Variants in COL27A1 observed in about 807,000 individuals in gnomAD.
The protein encoded by COL27A1 is collagen type XXVII alpha 1 chain.
In COL27A1, 106 loss-of-function variants were observed where a neutral mutation model predicts 251.3. That is an observed-to-expected ratio of 0.42 (90% CI 0.36 to 0.50). COL27A1 has a LOEUF of 0.50. Ranked by LOEUF, COL27A1 falls within the 20% of genes least tolerant of loss-of-function variation. COL27A1 has a pLI of 0.00. For synonymous variants in COL27A1, 1,000 were observed against 986.3 expected, an observed-to-expected ratio of 1.01 and a Z score of -0.26; for missense variants, 2,325 against 2,522.8, an observed-to-expected ratio of 0.92 and a Z score of 1.68.
chr9:114,291,250 C>G (rs1453903069), intron 48 of COL27A1, among the ~76,000 whole-genome samples: 1 of 152,164 alleles, frequency 6.6e-6, no homozygotes, highest in Non-Finnish European at 1.5e-5. Flanking sequence ...AGAAAGCTTC[C>G]CAGTGCCGCG....
intron 49 of COL27A1, among the ~76,000 whole-genome samples, chr9:114,299,223 A>G (rs778880552): frequency 1.2e-4 from 19 of 152,128 alleles, no homozygotes; most frequent in Non-Finnish European, 2.4e-4. Flanking sequence ...GTATTATCCT[A>G]TTTTACAGAT....
chr9:114,265,591 C>A (rs2135597632), intron 32 of COL27A1, 116 bp downstream of exon 32: 1 of 1,006,972 alleles, frequency 9.9e-7, no homozygotes, highest in Non-Finnish European at 1.5e-6. Context: ...CTCTAACCCG[C>A]TGTGGGCCAG....
intron 12 of COL27A1, among the ~76,000 whole-genome samples, chr9:114,213,281 C>T (rs1830484842): frequency 6.6e-6 from 1 of 152,130 alleles, no homozygotes; most frequent in South Asian, 2.1e-4. Flanking sequence ...CTCAGTTTCC[C>T]CCTTCTACTC....
chr9:114,201,461 G>T (rs970648491), intron 7 of COL27A1, among the ~76,000 whole-genome samples: 1 of 152,168 alleles, frequency 6.6e-6, no homozygotes, highest in Non-Finnish European at 1.5e-5. Context: ...CCTACCTCCC[G>T]CCTTGGCTAT....
intron 40 of COL27A1, among the ~76,000 whole-genome samples, chr9:114,284,381 T>C (rs1176048281): frequency 1.1e-4 from 16 of 152,224 alleles, no homozygotes; most frequent in Admixed American, 6.5e-4. Context: ...CCTGCAGGCC[T>C]AGCCAAAGCC....
intron 50 of COL27A1, 97 bp from the exon 51 acceptor site, chr9:114,300,528 A>C (rs1828543807): frequency 2.1e-6 from 2 of 957,186 alleles, no homozygotes. Context: ...CTTGACAAGA[A>C]GGGCAAAGGT....
intron 59 of COL27A1, 96 bp from the exon 60 acceptor site, chr9:114,309,164 G>C: frequency 1.0e-6 from 1 of 966,420 alleles, no homozygotes; most frequent in South Asian, 1.3e-5. Context: ...CCAGGAAGGG[G>C]CCTATCCCTG....
intron 12 of COL27A1, among the ~76,000 whole-genome samples, chr9:114,215,948 G>A (rs2135363200): frequency 6.6e-6 from 1 of 152,322 alleles, no homozygotes; most frequent in Middle Eastern, 3.4e-3. Context: ...TTGGATTCTA[G>A]ATGTTTCTTG....
intron 49 of COL27A1, among the ~76,000 whole-genome samples, chr9:114,294,591 C>T (rs1358581000): frequency 1.3e-5 from 2 of 152,024 alleles, no homozygotes; most frequent in South Asian, 2.1e-4. Context: ...AAAAGAAAAC[C>T]CATTTGATCA....
chr9:114,156,142 G>A, intron 1 of COL27A1, 130 bp downstream of exon 1: 20 of 1,248,042 alleles, frequency 1.6e-5, no homozygotes, highest in Non-Finnish European at 1.9e-5. Flanking sequence ...GCGCCCCCGC[G>A]AGGCGGGACG....
At chr9:114,282,170 A>G (rs1588864999) in intron 37 of COL27A1, 107 bp from the exon 38 acceptor site, 7 of 988,762 alleles carry the variant, frequency 7.1e-6, no homozygotes, top group African/African-American at 1.6e-5. Context: ...TCAGTTTCGA[A>G]CCTGGCCATC....
rs754801415 is a variant in COL27A1, at chr9:114,269,222, T to C, written c.3502-19T>C. On this transcript the variant is annotated intron_variant, in intron 34 of 60. Coordinates refer to ENST00000356083, the MANE Select transcript of COL27A1 (RefSeq NM_032888.4). ...CTGGCCCTACCCACCCGCAAGGACT[T>C]TTGTTCGGCTTCTCCTAGGGTGACC... 3 of 1,574,480 alleles carry C rather than the reference T, an allele frequency of 1.9e-6. No individual in the cohort carries two copies. Among genetic ancestry groups the C allele is most frequent in the Non-Finnish European group, 8.6e-7 (1 of 1,156,962 alleles).
At chr9:114,215,277 A>T (rs1423753689) in intron 12 of COL27A1, among the ~76,000 whole-genome samples, 1 of 152,222 alleles carries the variant, frequency 6.6e-6, no homozygotes, top group Non-Finnish European at 1.5e-5. Context: ...CAGTTCTCAG[A>T]TTACAGGCAG....
At chr9:114,187,068 T>G (rs755833616) in intron 5 of COL27A1, among the ~76,000 whole-genome samples, 9 of 152,202 alleles carry the variant, frequency 5.9e-5, no homozygotes, top group Middle Eastern at 3.2e-3. Flanking sequence ...GATATGGCCC[T>G]CAGACACTGG....
In COL27A1 at chr9:114,271,082, G is replaced by A. The variant is rs529334243; in HGVS notation, c.3609+301G>A. The A allele has an allele frequency of 9.2e-5, 38 of 413,612 alleles. No individual in the cohort carries two copies. In the South Asian group the frequency reaches 1.2e-3, roughly 13 times the overall value. 25.6% of individuals were successfully genotyped at this position (413,612 alleles called of 1,614,324 possible). A position where few individuals can be genotyped will look rare whatever the true frequency, so the allele number is the denominator to read the frequency against. On this transcript the variant is annotated intron_variant, in intron 36 of 60. Transcript: ENST00000356083. Reference sequence around the variant, plus strand: ...GGTGATTCCTGAGCACCGGCACTACGCCAGGCCCAGAGCCAGAGTCTTTGG... The same window carrying A: ...GGTGATTCCTGAGCACCGGCACTACACCAGGCCCAGAGCCAGAGTCTTTGG...
At chr9:114,301,661 C>G in intron 54 of COL27A1, 21 bp from the exon 55 acceptor site, 2 of 1,600,458 alleles carry the variant, frequency 1.2e-6, no homozygotes, top group Non-Finnish European at 1.7e-6. Flanking sequence ...AGGGCTCACT[C>G]TTCTTCTCTT....
Position 114,155,926 on chromosome 9 carries a change from C to T in COL27A1, c.-25C>T, listed in dbSNP as rs1848088691. 3 of 1,235,570 alleles carry T rather than the reference C, an allele frequency of 2.4e-6. No homozygotes were observed. The highest frequency in any genetic ancestry group is 7.5e-5 in the South Asian group (2 of 26,744). The allele number at this position is 1,235,570 out of a possible 1,614,324, so 76.5% of individuals were successfully genotyped here. ...CGCGCCCACACTTGCCCCCCGGGCT[C>T]GGGAGCATGAAGTAGGGGCCTGCCA... On this transcript the variant is annotated 5_prime_UTR_variant, in exon 1 of 61. Transcript: ENST00000356083. This position sits in a 1 kb window ranked among gnomAD's most constrained non-coding sequence, Gnocchi z 5.5.
At chr9:114,237,132 C>G (rs1832454801) in intron 18 of COL27A1, 98 bp downstream of exon 18, 1 of 1,214,666 alleles carries the variant, frequency 8.2e-7, no homozygotes, top group Non-Finnish European at 1.1e-6. Context: ...TTCATTTCCT[C>G]CTGCAGCAGA....
intron 18 of COL27A1, 105 bp from the exon 19 acceptor site, chr9:114,237,557 T>G (rs1471997710): frequency 9.5e-6 from 9 of 946,668 alleles, no homozygotes; most frequent in Non-Finnish European, 1.6e-5. Flanking sequence ...TTTATGCACA[T>G]GCTTCTGAAC....
Sources: allele counts gnomAD v4.1 joint callset (sites outside exome capture counted in the v4.1 genomes callset), GRCh38; gene constraint gnomAD v4.1.1; non-coding constraint Gnocchi (gnomAD v3.1); transcripts MANE v1.5; gene names NCBI Gene and HGNC (gene_info 2026-07-23, HGNC 2026-07-21).